Variants in EIF5A2 observed in about 807,000 individuals in gnomAD.
EIF5A2 encodes the protein eukaryotic translation initiation factor 5A2, also known as eukaryotic translation initiation factor 5A-2.
In EIF5A2, 15 loss-of-function variants were observed where a neutral mutation model predicts 16.4. The ratio of observed to expected loss-of-function variants is 0.92; its 90% CI spans 0.61 to 1.41. The LOEUF (loss-of-function observed/expected upper bound fraction) is 1.41, where lower values mean the gene tolerates loss of function less well. Among genes scored for constraint, EIF5A2 ranks in the 40% most tolerant of loss-of-function variants. The pLI is 0.00. For synonymous variants in EIF5A2, 48 were observed against 61.1 expected (o/e 0.79, Z 1.00); for missense variants, 144 against 189.5 (o/e 0.76, Z 1.41).
rs1712529531 is a variant in EIF5A2, at chr3:170,891,335, TGG to T, written c.*2023_*2024del. 4.6e-5 allele frequency: 7 copies of T among 152,604 alleles called. No homozygotes were observed. Among genetic ancestry groups the T allele is most frequent in the Non-Finnish European group, 2.9e-5 (2 of 68,026 alleles). The allele number at this position is 152,604 out of a possible 1,614,324, so 9.5% of individuals were successfully genotyped here. On this transcript the variant is annotated 3_prime_UTR_variant, in exon 5 of 5. Coordinates refer to ENST00000295822, the MANE Select transcript of EIF5A2 (RefSeq NM_020390.6). ...TGTAGTAGGTACTTAAATAGAATAC[TGG>T]AAAGAATGTAGCCTAATTTTAATTG...
rs543248712 is a variant in EIF5A2 at position 170,889,906 on chromosome 3, G to A, written c.*3454C>T. ...AATATGGCAAGATTCCAGTATGGAT[G>A]CTACTGTTTCCATTTTTTTCTTGAC... On this transcript the variant is annotated 3_prime_UTR_variant, in exon 5 of 5. Coordinates refer to ENST00000295822, the MANE Select transcript of EIF5A2 (RefSeq NM_020390.6). 6.6e-6 allele frequency: 1 copy of A among 152,526 alleles called. No homozygotes were observed. Among genetic ancestry groups the A allele is most frequent in the Admixed American group, 6.5e-5 (1 of 15,282 alleles). 9.4% of individuals were successfully genotyped at this position (152,526 alleles called of 1,614,324 possible). A position where few individuals can be genotyped will look rare whatever the true frequency, so the allele number is the denominator to read the frequency against.
intron 3 of EIF5A2, among the ~76,000 whole-genome samples, chr3:170,897,230 AT>A (rs1712696741): frequency 6.6e-6 from 1 of 152,364 alleles, no homozygotes; most frequent in Non-Finnish European, 1.5e-5. Context: ...CATCCTGACC[AT>A]GTAGTAGAAA....
chr3:170,895,854 T>A (rs1712657927), intron 3 of EIF5A2, among the ~76,000 whole-genome samples: 1 of 152,100 alleles, frequency 6.6e-6, no homozygotes, highest in Non-Finnish European at 1.5e-5. Flanking sequence ...ATATATATAT[T>A]TTTAAAGATG....
intron 3 of EIF5A2, among the ~76,000 whole-genome samples, chr3:170,896,541 C>T (rs1712677673): frequency 6.6e-6 from 1 of 152,192 alleles, no homozygotes; most frequent in South Asian, 2.1e-4. Flanking sequence ...GTTCCCCCCT[C>T]ACTTGCTGTA....
At position 170,892,493 on chromosome 3, in the gene EIF5A2, C is replaced by A; in HGVS notation, c.*867G>T. On this transcript the variant is annotated 3_prime_UTR_variant, in exon 5 of 5. Transcript: ENST00000295822. ...TTACTGATAAATATTACTATTTATT[C>A]AACATAGTTGGAAAACAAGCATTGC... 1.5e-4 allele frequency: 38 copies of A among 259,574 alleles called. No homozygotes were observed. Among genetic ancestry groups the A allele is most frequent in the East Asian group, 2.6e-4 (4 of 15,390 alleles). The allele number at this position is 259,574 out of a possible 1,614,324, so 16.1% of individuals were successfully genotyped here.
intron 3 of EIF5A2, among the ~76,000 whole-genome samples, chr3:170,905,781 T>C (rs1328809897): frequency 1.3e-5 from 2 of 152,174 alleles, no homozygotes; most frequent in African/African-American, 4.8e-5. Flanking sequence ...TTAATCCTCC[T>C]ATTATCACTA....
At chr3:170,894,258 G>C (rs775838165) in intron 4 of EIF5A2, 34 bp downstream of exon 4, 5 of 1,600,458 alleles carry the variant, frequency 3.1e-6, no homozygotes, top group Non-Finnish European at 4.3e-6. Context: ...TTTATAAAAT[G>C]GTTTTCAAAA....
chr3:170,896,256 A>G (rs1174608742), intron 3 of EIF5A2, among the ~76,000 whole-genome samples: 1 of 152,252 alleles, frequency 6.6e-6, no homozygotes, highest in African/African-American at 2.4e-5. Context: ...CTAGTAAAAC[A>G]ATGCATTTAC....
intron 3 of EIF5A2, among the ~76,000 whole-genome samples, chr3:170,900,905 A>G (rs376181912): frequency 1.3e-5 from 2 of 152,236 alleles, no homozygotes; most frequent in Admixed American, 1.3e-4. Flanking sequence ...TTCTCCTCCA[A>G]TTAATATGTT....
At chr3:170,904,413 A>G (rs1712883385) in intron 3 of EIF5A2, among the ~76,000 whole-genome samples, 1 of 152,254 alleles carries the variant, frequency 6.6e-6, no homozygotes, top group Non-Finnish European at 1.5e-5. Flanking sequence ...CACACGCCAA[A>G]TAATGAGTAG....
At chr3:170,907,503 G>T (rs751189680) in intron 2 of EIF5A2, 139 bp downstream of exon 2, 1 of 989,438 alleles carries the variant, frequency 1.0e-6, no homozygotes, top group Non-Finnish European at 1.4e-6. Context: ...CGTAATAACT[G>T]ATTACCCAGT....
rs1234122286 is a variant in EIF5A2 at position 170,890,636 on chromosome 3, T to C, written c.*2724A>G. 2.0e-5 allele frequency: 3 copies of C among 152,526 alleles called. No homozygotes were observed. The East Asian group carries it at 5.8e-4, about 29-fold the overall frequency. 9.4% of individuals were successfully genotyped at this position (152,526 alleles called of 1,614,324 possible). A position where few individuals can be genotyped will look rare whatever the true frequency, so the allele number is the denominator to read the frequency against. ...AAAATGTTCTAAAAAGAAACAAATA[T>C]TCAACCTGTTAATAAATTGGTGAAA... On this transcript the variant is annotated 3_prime_UTR_variant, in exon 5 of 5. Transcript: ENST00000295822.
Position 170,892,286 on chromosome 3 carries a change from G to A in EIF5A2, c.*1074C>T, listed in dbSNP as rs534804933. ...TACTAAAATACACAAAAAAGTAGCTGGGCGTGGTGGCATGCACCTGTAGTC... is the reference window on the plus strand; with the variant it reads ...TACTAAAATACACAAAAAAGTAGCTAGGCGTGGTGGCATGCACCTGTAGTC... On this transcript the variant is annotated 3_prime_UTR_variant, in exon 5 of 5. Coordinates refer to ENST00000295822, the MANE Select transcript of EIF5A2 (RefSeq NM_020390.6). 1 of 152,232 alleles carries A rather than the reference G, an allele frequency of 6.6e-6. No homozygotes were observed. Among genetic ancestry groups the A allele is most frequent in the East Asian group, 1.9e-4 (1 of 5,176 alleles). The allele number at this position is 152,232 out of a possible 1,614,324, so 9.4% of individuals were successfully genotyped here. A position where few individuals can be genotyped will look rare whatever the true frequency, so the allele number is the denominator to read the frequency against.
chr3:170,893,992 C>G (rs1338944028), intron 4 of EIF5A2, among the ~76,000 whole-genome samples: 1 of 151,432 alleles, frequency 6.6e-6, no homozygotes, highest in African/African-American at 2.4e-5. Flanking sequence ...GATCACGCCA[C>G]TGCACTCCAG....
chr3:170,892,313 C>G lies in EIF5A2; in HGVS notation c.*1047G>C, dbSNP rs1476213347. The G allele has an allele frequency of 2.6e-5, 4 of 151,670 alleles. No individual in the cohort carries two copies. Among genetic ancestry groups the G allele is most frequent in the Admixed American group, 2.6e-4 (4 of 15,174 alleles). 9.4% of individuals were successfully genotyped at this position (151,670 alleles called of 1,614,324 possible). A position where few individuals can be genotyped will look rare whatever the true frequency, so the allele number is the denominator to read the frequency against. ...GCGTGGTGGCATGCACCTGTAGTCC[C>G]AGCTACTTGGGAGGCTGAGGCAGGA... On this transcript the variant is annotated 3_prime_UTR_variant, in exon 5 of 5. Transcript: ENST00000295822.
chr3:170,903,060 C>A lies in EIF5A2; in HGVS notation c.270+3929G>T, dbSNP rs80085884. On this transcript the variant is annotated intron_variant, in intron 3 of 4. Coordinates refer to ENST00000295822, the MANE Select transcript of EIF5A2 (RefSeq NM_020390.6). ...AGAAGAAGAACACAGAACAGAAGAACAAGAAGTCTTAATATGTTTCCCAGA... is the reference window on the plus strand; with the variant it reads ...AGAAGAAGAACACAGAACAGAAGAAAAAGAAGTCTTAATATGTTTCCCAGA... Among the ~76,000 whole-genome samples, 413 of 152,268 alleles carry A rather than the reference C, an allele frequency of 2.7e-3. 1 individual carries two copies. The highest frequency in any genetic ancestry group is 9.4e-3 in the African/African-American group (391 of 41,550).
At chr3:170,897,750 C>T (rs1296917669) in intron 3 of EIF5A2, among the ~76,000 whole-genome samples, 1 of 152,220 alleles carries the variant, frequency 6.6e-6, no homozygotes, top group Non-Finnish European at 1.5e-5. Context: ...CAGGTTAGAT[C>T]CCCCACACAG....
intron 3 of EIF5A2, among the ~76,000 whole-genome samples, chr3:170,899,136 T>C (rs1266084477): frequency 6.6e-6 from 1 of 152,230 alleles, no homozygotes; most frequent in Admixed American, 6.5e-5. Flanking sequence ...TCCAGGGTCA[T>C]ACCTTGTATT....
intron 3 of EIF5A2, among the ~76,000 whole-genome samples, 179 bp from the exon 4 acceptor site, chr3:170,894,602 T>C (rs2108292325): frequency 6.6e-6 from 1 of 152,248 alleles, no homozygotes; most frequent in Middle Eastern, 3.4e-3. Context: ...AATGGAAATA[T>C]AAGTTTACTC....
Sources: gnomAD v4.1 joint callset for allele counts (sites outside exome capture counted in the v4.1 genomes callset) on GRCh38, gnomAD v4.1.1 for gene constraint, MANE v1.5 for transcripts, NCBI Gene and HGNC (gene_info 2026-07-23, HGNC 2026-07-21) for gene names.